CTNNBL1: variants seen among roughly 807,000 people sequenced by gnomAD.
The protein encoded by CTNNBL1 is catenin beta like 1, also known as beta-catenin-like protein 1.
A neutral mutation model predicts 72.7 loss-of-function variants in CTNNBL1; 31 were observed. That is an observed-to-expected ratio of 0.43 (90% CI 0.32 to 0.58). The LOEUF (loss-of-function observed/expected upper bound fraction) is 0.58. Ranked by LOEUF, CTNNBL1 falls within the 20% of genes least tolerant of loss-of-function variation. The probability of loss-of-function intolerance (pLI) is 0.08; values close to 1 mark genes in which losing one functional copy is unlikely to be tolerated. For missense variants in CTNNBL1, 534 were observed against 725.1 expected (o/e 0.74, Z 3.03); for synonymous variants, 240 against 267.3 (o/e 0.90, Z 1.00).
At chr20:37,814,421 C>A (rs984303643) in intron 11 of CTNNBL1, among the ~76,000 whole-genome samples, 1 of 152,176 alleles carries the variant, frequency 6.6e-6, no homozygotes, top group Non-Finnish European at 1.5e-5. Context: ...TGTATCCACT[C>A]TTCTCATGGT....
intron 11 of CTNNBL1, 34 bp downstream of exon 11, chr20:37,803,082 G>A (rs769142209): frequency 1.3e-6 from 2 of 1,588,936 alleles, no homozygotes; most frequent in South Asian, 2.2e-5. Context: ...CCTAATTTAG[G>A]TGCATTAGGA....
In CTNNBL1 at chr20:37,694,163, C is replaced by T; in HGVS notation, c.30+11C>T. ...CTTCTGAGCTACCAGGTATGAGGGGCAGGGAGGGCCGAGCGACCGCGTTCT... is the reference window on the plus strand; with the variant it reads ...CTTCTGAGCTACCAGGTATGAGGGGTAGGGAGGGCCGAGCGACCGCGTTCT... On this transcript the variant is annotated intron_variant, in intron 1 of 15. Coordinates refer to ENST00000361383, the MANE Select transcript of CTNNBL1 (RefSeq NM_030877.5). 6.3e-7 allele frequency: 1 copy of T among 1,586,776 alleles called. No individual in the cohort carries two copies. Among genetic ancestry groups the T allele is most frequent in the South Asian group, 1.1e-5 (1 of 88,308 alleles).
intron 1 of CTNNBL1, among the ~76,000 whole-genome samples, chr20:37,708,420 C>T (rs570268402): frequency 5.8e-4 from 89 of 152,314 alleles, no homozygotes; most frequent in Non-Finnish European, 1.0e-3. Context: ...GATCTGCCCA[C>T]CTCAGCCTCC....
intron 13 of CTNNBL1, among the ~76,000 whole-genome samples, chr20:37,843,140 T>C (rs527962263): frequency 1.3e-5 from 2 of 152,336 alleles, no homozygotes; most frequent in East Asian, 3.9e-4. Context: ...CCTATCACTG[T>C]TTAATGTCCA....
intron 1 of CTNNBL1, among the ~76,000 whole-genome samples, chr20:37,724,766 A>G (rs774555937): frequency 7.2e-5 from 11 of 151,822 alleles, no homozygotes; most frequent in South Asian, 2.1e-4. Context: ...CCCTCTCTTT[A>G]TTTGTCAATG....
intron 10 of CTNNBL1, among the ~76,000 whole-genome samples, chr20:37,796,236 T>C (rs919233257): frequency 3.9e-5 from 6 of 152,164 alleles, no homozygotes; most frequent in Non-Finnish European, 7.4e-5. Context: ...CCTCACATGC[T>C]TGCGCTTGTC....
At chr20:37,752,370 C>A (rs1187144809) in intron 4 of CTNNBL1, among the ~76,000 whole-genome samples, 1 of 152,138 alleles carries the variant, frequency 6.6e-6, no homozygotes, top group East Asian at 1.9e-4. Context: ...TTTTGAAATT[C>A]ATCTGCATTA....
chr20:37,708,129 A>G (rs2072905242), intron 1 of CTNNBL1, among the ~76,000 whole-genome samples: 1 of 152,238 alleles, frequency 6.6e-6, no homozygotes, highest in African/African-American at 2.4e-5. Context: ...GTAATTGTCA[A>G]AATGTGACAC....
At chr20:37,814,286 C>T (rs1336451061) in intron 11 of CTNNBL1, among the ~76,000 whole-genome samples, 1 of 152,148 alleles carries the variant, frequency 6.6e-6, no homozygotes, top group Non-Finnish European at 1.5e-5. Context: ...TCTTCAGTCC[C>T]TTAAGGTGTC....
chr20:37,852,666 A>G (rs1400774738), intron 13 of CTNNBL1, among the ~76,000 whole-genome samples: 3 of 152,222 alleles, frequency 2.0e-5, no homozygotes, highest in African/African-American at 7.2e-5. Flanking sequence ...GGTGAGGCAC[A>G]CTGCCACCCT....
intron 1 of CTNNBL1, among the ~76,000 whole-genome samples, chr20:37,724,612 A>T (rs1023095314): frequency 6.6e-6 from 1 of 152,118 alleles, no homozygotes; most frequent in Admixed American, 6.5e-5. Context: ...GTTAAAAAGG[A>T]TTCAAACTTA....
intron 11 of CTNNBL1, among the ~76,000 whole-genome samples, chr20:37,838,296 G>A (rs547162386): frequency 1.3e-5 from 2 of 152,294 alleles, no homozygotes; most frequent in South Asian, 4.1e-4. Flanking sequence ...GACAAGGGTG[G>A]AAGGAGAGGG....
intron 13 of CTNNBL1, among the ~76,000 whole-genome samples, chr20:37,848,789 T>TA (rs2072369202): frequency 6.6e-6 from 1 of 152,250 alleles, no homozygotes; most frequent in Admixed American, 6.5e-5. Context: ...GTGGTGCTAA[T>TA]AGGCTCTCCC....
At chr20:37,828,349 T>C (rs879433683) in intron 11 of CTNNBL1, among the ~76,000 whole-genome samples, 2 of 152,174 alleles carry the variant, frequency 1.3e-5, no homozygotes, top group Non-Finnish European at 2.9e-5. Flanking sequence ...CATGAAACTA[T>C]CTCATGACTT....
chr20:37,805,523 A>C (rs2071950530), intron 11 of CTNNBL1, among the ~76,000 whole-genome samples: 1 of 148,420 alleles, frequency 6.7e-6, no homozygotes, highest in Non-Finnish European at 1.5e-5. Context: ...CAGCCTCATG[A>C]GTAGCTGGGA....
intron 5 of CTNNBL1, among the ~76,000 whole-genome samples, chr20:37,760,691 A>G (rs141161815): frequency 2.2e-3 from 339 of 152,352 alleles, no homozygotes; most frequent in African/African-American, 7.6e-3. Context: ...AAAGTGATGA[A>G]CAAGTGAGAT....
intron 1 of CTNNBL1, among the ~76,000 whole-genome samples, chr20:37,697,209 G>T (rs1369091242): frequency 6.6e-6 from 1 of 152,058 alleles, no homozygotes; most frequent in African/African-American, 2.4e-5. Context: ...GAAAGAAAAT[G>T]TAAAGTTAGG....
chr20:37,808,559 G>A (rs2071980818), intron 11 of CTNNBL1, among the ~76,000 whole-genome samples: 1 of 152,218 alleles, frequency 6.6e-6, no homozygotes, highest in South Asian at 2.1e-4. Flanking sequence ...TGTCCTGGGG[G>A]AGACTGCTCT....
chr20:37,870,052 A>G (rs1376375894), intron 15 of CTNNBL1, among the ~76,000 whole-genome samples: 1 of 149,726 alleles, frequency 6.7e-6, no homozygotes, highest in African/African-American at 2.5e-5. Flanking sequence ...ATTTTGGGGG[A>G]CGAGGACACT....
Sources: allele counts gnomAD v4.1 joint callset (sites outside exome capture counted in the v4.1 genomes callset), GRCh38; gene constraint gnomAD v4.1.1; transcripts MANE v1.5; gene names NCBI Gene and HGNC (gene_info 2026-07-23, HGNC 2026-07-21).